CCDC57: variants seen among roughly 807,000 people sequenced by gnomAD.
CCDC57 encodes the protein coiled-coil domain-containing protein 57.
CCDC57 carries 118 observed loss-of-function variants against 118.9 expected under a neutral mutation model. That is an observed-to-expected ratio of 0.99 (90% CI 0.86 to 1.16). The LOEUF (loss-of-function observed/expected upper bound fraction) is 1.16. CCDC57 is among the 50% of genes most tolerant of loss of function. CCDC57 has a pLI of 0.00. For missense variants in CCDC57, 1,300 were observed against 1,320.7 expected (o/e 0.98, Z 0.24); for synonymous variants, 527 against 532.9 (o/e 0.99, Z 0.15).
At chr17:82,193,987 G>A (rs750531029) in exon 6 of CCDC57, 75 of 1,609,570 alleles carry the variant, frequency 4.7e-5, no homozygotes, top group South Asian at 2.6e-4. Context: ...CGCACCGGGC[G>A]CGGCTCATGG....
intron 14 of CCDC57, among the ~76,000 whole-genome samples, chr17:82,162,869 G>A (rs2043515929): frequency 6.9e-6 from 1 of 145,620 alleles, no homozygotes; most frequent in South Asian, 2.3e-4. Flanking sequence ...TGAGCGGGCA[G>A]GTGGCATCGG....
chr17:82,137,991 T>G (rs931214567), intron 16 of CCDC57, among the ~76,000 whole-genome samples: 20 of 151,674 alleles, frequency 1.3e-4, no homozygotes, highest in African/African-American at 4.8e-4. Flanking sequence ...CTTTTATATT[T>G]AAAATGATCT....
intron 13 of CCDC57, among the ~76,000 whole-genome samples, chr17:82,164,036 T>TCA (rs746952645): frequency 5.1e-4 from 77 of 151,274 alleles, no homozygotes; most frequent in Middle Eastern, 3.4e-3. Context: ...CGAGACCCTG[T>TCA]CACACACACA....
intron 1 of CCDC57, among the ~76,000 whole-genome samples, chr17:82,211,855 G>T (rs989344664): frequency 6.6e-6 from 1 of 152,104 alleles, no homozygotes; most frequent in South Asian, 2.1e-4. Flanking sequence ...TCCTGGGAAC[G>T]CGCTCGGTTG....
intron 16 of CCDC57, among the ~76,000 whole-genome samples, chr17:82,136,831 C>T (rs1436005475): frequency 1.3e-5 from 2 of 152,094 alleles, no homozygotes; most frequent in East Asian, 1.9e-4. Context: ...GATCCTCCTC[C>T]CTTGGCCTCC....
chr17:82,201,766 T>C (rs777802568), exon 3 of CCDC57: 1 of 1,613,786 alleles, frequency 6.2e-7, no homozygotes, highest in Non-Finnish European at 8.5e-7. Flanking sequence ...CACCTGAAGG[T>C]TGTAGACAAA....
chr17:82,197,121 C>T (rs1261849539), intron 4 of CCDC57, among the ~76,000 whole-genome samples: 1 of 150,064 alleles, frequency 6.7e-6, no homozygotes, highest in Middle Eastern at 3.2e-3. Flanking sequence ...CCCCTCATGA[C>T]TCCTGCACCT....
rs2044947670 is a variant in CCDC57 at position 82,172,950 on chromosome 17, T to A, written c.1507-90A>T. On this transcript the variant is annotated intron_variant, in intron 11 of 19. Coordinates refer to ENST00000665763, the Ensembl canonical transcript of CCDC57. The surrounding 1 kb of genome is among the most constrained non-coding windows in gnomAD (Gnocchi z 5.2). ...TGTGCCTCCGCTCTCCCCGCGCCCC[T>A]CTCGGGCCGGTCCCCCGCTTCAGCT... 1.7e-6 allele frequency: 2 copies of A among 1,193,848 alleles called. No individual in the cohort carries two copies. Among genetic ancestry groups the A allele is most frequent in the Non-Finnish European group, 1.2e-6 (1 of 831,216 alleles). 74.0% of individuals were successfully genotyped at this position (1,193,848 alleles called of 1,614,324 possible).
At chr17:82,114,641 C>A (rs560344157) in intron 19 of CCDC57, among the ~76,000 whole-genome samples, 47 of 152,232 alleles carry the variant, frequency 3.1e-4, no homozygotes, top group African/African-American at 1.1e-3. Flanking sequence ...TCGGCTGTCA[C>A]GATCCCGTGC....
intron 16 of CCDC57, among the ~76,000 whole-genome samples, chr17:82,140,107 A>G (rs976381091): frequency 2.6e-5 from 4 of 151,850 alleles, no homozygotes; most frequent in South Asian, 4.2e-4. Flanking sequence ...TTTTTTTGAG[A>G]CAGAGTCACG....
At chr17:82,158,353 G>A (rs1329118401) in intron 14 of CCDC57, among the ~76,000 whole-genome samples, 2 of 152,204 alleles carry the variant, frequency 1.3e-5, no homozygotes, top group Non-Finnish European at 2.9e-5. Context: ...GGAGGCCAGA[G>A]GTAAACAGGC....
exon 14 of CCDC57, chr17:82,163,222 A>G: frequency 3.7e-6 from 6 of 1,613,958 alleles, no homozygotes; most frequent in Non-Finnish European, 5.1e-6. Flanking sequence ...TCGTGTCACC[A>G]GCAGGTTTAG....
intron 16 of CCDC57, among the ~76,000 whole-genome samples, chr17:82,150,630 C>T: frequency 1.8e-5 from 1 of 55,518 alleles, no homozygotes; most frequent in Non-Finnish European, 3.4e-5. Context: ...GGTGCACACC[C>T]AGAACCAGGA....
chr17:82,195,132 G>A, intron 5 of CCDC57, 131 bp downstream of exon 4: 1 of 718,514 alleles, frequency 1.4e-6, no homozygotes, highest in Non-Finnish European at 2.5e-6. Flanking sequence ...TGCTCGCTGG[G>A]CTTGAACTCC....
At chr17:82,141,274 C>T (rs2039974877) in intron 16 of CCDC57, among the ~76,000 whole-genome samples, 1 of 151,442 alleles carries the variant, frequency 6.6e-6, no homozygotes, top group African/African-American at 2.4e-5. Context: ...ACCTCTGCCA[C>T]CCTGGTTCAA....
chr17:82,138,588 T>A (rs1016215122), intron 16 of CCDC57, among the ~76,000 whole-genome samples: 5 of 148,798 alleles, frequency 3.4e-5, no homozygotes, highest in African/African-American at 1.3e-4. Flanking sequence ...AATGATTAGG[T>A]TTCTTTGATG....
intron 19 of CCDC57, chr17:82,126,886 A>AGT (rs2037510351): frequency 1.0e-6 from 1 of 985,314 alleles, no homozygotes; most frequent in Non-Finnish European, 1.2e-6. Flanking sequence ...GGAAGACAGA[A>AGT]GCTGTAAGGT....
Position 82,120,018 on chromosome 17 carries a change from CG to C in CCDC57, c.2899+7673del, listed in dbSNP as rs551472565. 2.7e-3 allele frequency among the ~76,000 whole-genome samples: 409 copies of C among 152,160 alleles called. 1 individual carries two copies. The highest frequency in any genetic ancestry group is 0.01 in the Middle Eastern group (3 of 294). On this transcript the variant is annotated intron_variant, in intron 19 of 19. Transcript: ENST00000665763. ...TGAGGACATGAGCAGGAGGGTGGTT[CG>C]GGGCCTATCCCAGGTCCAAGAGGAG... is the stretch of plus-strand genomic sequence containing the variant.
chr17:82,198,407 C>T, exon 4 of CCDC57: 2 of 1,608,938 alleles, frequency 1.2e-6, no homozygotes, highest in South Asian at 1.1e-5. Flanking sequence ...GGTGGTCAAT[C>T]TCACCATTCT....
Sources: allele counts gnomAD v4.1 joint callset (sites outside exome capture counted in the v4.1 genomes callset), GRCh38; gene constraint gnomAD v4.1.1; non-coding constraint Gnocchi (gnomAD v3.1); transcripts MANE v1.5; gene names NCBI Gene and HGNC (gene_info 2026-07-23, HGNC 2026-07-21).